The following DIAPH1 variants were observed in gnomAD, a reference collection of about 807,000 sequenced individuals.
DIAPH1 encodes the protein diaphanous related formin 1, also known as protein diaphanous homolog 1.
Under a neutral mutation model 140.7 loss-of-function variants are expected in DIAPH1, and 46 were observed. The observed-to-expected ratio is 0.33, with a 90% CI of 0.26 to 0.42. The LOEUF (loss-of-function observed/expected upper bound fraction) is 0.42. Among genes scored for constraint, DIAPH1 ranks in the 10% least tolerant of loss-of-function variants. The pLI is 1.00. For missense variants in DIAPH1, 1,310 were observed against 1,558.7 expected, an observed-to-expected ratio of 0.84 and a Z score of 2.69; for synonymous variants, 565 against 551.6, an observed-to-expected ratio of 1.02 and a Z score of -0.34.
At chr5:141,602,367 C>T (rs1441976927) in intron 1 of DIAPH1, among the ~76,000 whole-genome samples, 1 of 152,210 alleles carries the variant, frequency 6.6e-6, no homozygotes, top group South Asian at 2.1e-4. Flanking sequence ...AGGCGCCCAT[C>T]ACCTCACTCG....
intron 1 of DIAPH1, among the ~76,000 whole-genome samples, chr5:141,614,865 G>T (rs562880753): frequency 6.9e-4 from 104 of 150,478 alleles, no homozygotes; most frequent in African/African-American, 2.5e-3. Context: ...TCAGTTTTCT[G>T]CAAACTTTTG....
chr5:141,553,231 G>A (rs1019316009), intron 18 of DIAPH1, among the ~76,000 whole-genome samples: 2 of 152,140 alleles, frequency 1.3e-5, no homozygotes, highest in African/African-American at 4.8e-5. Flanking sequence ...GGTGGAGGTT[G>A]CAGTGAGCCA....
At chr5:141,536,851 G>C (rs1596345838) in intron 18 of DIAPH1, among the ~76,000 whole-genome samples, 1 of 152,116 alleles carries the variant, frequency 6.6e-6, no homozygotes, top group East Asian at 1.9e-4. Flanking sequence ...GAGATGAAGT[G>C]AGAGAAGTAG....
At chr5:141,530,957 A>T (rs1337169964) in intron 19 of DIAPH1, among the ~76,000 whole-genome samples, 1 of 152,174 alleles carries the variant, frequency 6.6e-6, no homozygotes, top group Non-Finnish European at 1.5e-5. Flanking sequence ...TCATATATAC[A>T]TAATCAAGTT....
chr5:141,541,736 C>T (rs1466147249), intron 18 of DIAPH1, among the ~76,000 whole-genome samples: 2 of 145,982 alleles, frequency 1.4e-5, no homozygotes, highest in African/African-American at 5.0e-5. Context: ...AAGAAATGAA[C>T]AACTAGAAAG....
intron 26 of DIAPH1, 82 bp from the exon 27 acceptor site, chr5:141,524,311 G>A (rs2099886972): frequency 1.5e-6 from 2 of 1,309,568 alleles, no homozygotes; most frequent in East Asian, 2.3e-5. Flanking sequence ...AAAATGAATG[G>A]CTATTGCTTG....
At chr5:141,539,145 C>T (rs561034550) in intron 18 of DIAPH1, among the ~76,000 whole-genome samples, 9 of 151,936 alleles carry the variant, frequency 5.9e-5, no homozygotes, top group East Asian at 3.9e-4. Context: ...GGCATGGTGG[C>T]GCACACCTGT....
intron 18 of DIAPH1, among the ~76,000 whole-genome samples, chr5:141,544,126 C>G (rs1279603215): frequency 6.6e-6 from 1 of 151,644 alleles, no homozygotes; most frequent in Non-Finnish European, 1.5e-5. Context: ...CTGGCTAACA[C>G]GGTGAAACCC....
At chr5:141,547,207 C>T (rs181941460) in intron 18 of DIAPH1, among the ~76,000 whole-genome samples, 29 of 152,346 alleles carry the variant, frequency 1.9e-4, no homozygotes, top group South Asian at 4.1e-4. Context: ...CAGCCAGGCG[C>T]GGTAATCCCG....
chr5:141,608,782 A>G (rs1378952808), intron 1 of DIAPH1, among the ~76,000 whole-genome samples: 1 of 152,254 alleles, frequency 6.6e-6, no homozygotes, highest in African/African-American at 2.4e-5. Context: ...CCTGGTTATT[A>G]GCCATTTGCA....
intron 1 of DIAPH1, among the ~76,000 whole-genome samples, chr5:141,589,883 T>C (rs1379907524): frequency 6.6e-6 from 1 of 152,214 alleles, no homozygotes; most frequent in Non-Finnish European, 1.5e-5. Context: ...ACAATATTTC[T>C]TTTTCATTAA....
At chr5:141,605,791 A>G (rs904583049) in intron 1 of DIAPH1, among the ~76,000 whole-genome samples, 11 of 152,090 alleles carry the variant, frequency 7.2e-5, no homozygotes, top group African/African-American at 2.7e-4. Context: ...GGGCAGCCCA[A>G]TGCCTGCTGC....
chr5:141,537,076 G>A (rs1376565782), intron 18 of DIAPH1, among the ~76,000 whole-genome samples: 1 of 152,084 alleles, frequency 6.6e-6, no homozygotes, highest in Non-Finnish European at 1.5e-5. Context: ...GCTGAAGTAG[G>A]AGGATCACTG....
intron 27 of DIAPH1, chr5:141,519,106 T>C: frequency 9.9e-7 from 1 of 1,010,422 alleles, no homozygotes; most frequent in Non-Finnish European, 1.5e-6. Context: ...CAAAACCATT[T>C]ATTGGATTAT....
Position 141,516,821 on chromosome 5 carries a change from TGAGGAG to T in DIAPH1, c.*24_*29del, listed in dbSNP as rs747786198. The T allele has an allele frequency of 3.1e-6, 5 of 1,613,120 alleles. No individual in the cohort carries two copies. Among genetic ancestry groups the T allele is most frequent in the African/African-American group, 1.3e-5 (1 of 74,914 alleles). On this transcript the variant is annotated 3_prime_UTR_variant, in exon 28 of 28. Coordinates refer to ENST00000389054, the MANE Select transcript of DIAPH1 (RefSeq NM_005219.5). Reference sequence around the variant, plus strand: ...AGGGCAGGACAGTCTGCGGCTCCGCTGAGGAGCTGCCGCGGTCACAGGACCCACATT... The same window carrying T: ...AGGGCAGGACAGTCTGCGGCTCCGCTCTGCCGCGGTCACAGGACCCACATT...
Position 141,571,464 on chromosome 5 carries a change from A to G in DIAPH1, c.2474-28T>C, listed in dbSNP as rs143272169. 1,053 of 1,603,224 alleles carry G rather than the reference A, an allele frequency of 6.6e-4. 8 individuals are homozygous for G. The African/African-American group carries it at 0.012, about 19-fold the overall frequency. On this transcript the variant is annotated intron_variant, in intron 17 of 27. Coordinates refer to ENST00000389054, the MANE Select transcript of DIAPH1 (RefSeq NM_005219.5). ...TCAGGAGCAAAGTGCCAGGAGGGAGAAGGCATCCAATATTGGAAAGAAATG... is the reference window on the plus strand; with the variant it reads ...TCAGGAGCAAAGTGCCAGGAGGGAGGAGGCATCCAATATTGGAAAGAAATG...
intron 18 of DIAPH1, among the ~76,000 whole-genome samples, chr5:141,553,039 A>G (rs867366200): frequency 1.2e-4 from 18 of 152,332 alleles, no homozygotes; most frequent in Non-Finnish European, 1.6e-4. Context: ...CTGTAATCCC[A>G]GCACTTTGGG....
Position 141,517,395 on chromosome 5 carries a change from T to C in DIAPH1, c.3662-387A>G, listed in dbSNP as rs566641512. On this transcript the variant is annotated intron_variant, in intron 27 of 27. Transcript: ENST00000389054. ...ATAGACTAAAGTTTAGTACATAGTA[T>C]TATTTTTGTTTTCTTGACAGGTCCC... Among the ~76,000 whole-genome samples the C allele has an allele frequency of 6.4e-4, 97 of 152,306 alleles. 1 individual carries two copies. The South Asian group carries it at 0.019, about 31-fold the overall frequency.
At chr5:141,547,964 A>G (rs1480737871) in intron 18 of DIAPH1, among the ~76,000 whole-genome samples, 2 of 152,178 alleles carry the variant, frequency 1.3e-5, no homozygotes, top group African/African-American at 2.4e-5. Flanking sequence ...TTGAGAGGCT[A>G]ATGTGCGTGG....
Sources: gnomAD v4.1 joint callset for allele counts (sites outside exome capture counted in the v4.1 genomes callset) on GRCh38, gnomAD v4.1.1 for gene constraint, MANE v1.5 for transcripts, NCBI Gene and HGNC (gene_info 2026-07-23, HGNC 2026-07-21) for gene names.